The following RARS2 variants were observed in gnomAD, a reference collection of about 807,000 sequenced individuals.
RARS2 encodes the protein probable arginine--tRNA ligase, mitochondrial.
A neutral mutation model predicts 88.5 loss-of-function variants in RARS2; 67 were observed. The ratio of observed to expected loss-of-function variants is 0.76; its 90% CI spans 0.62 to 0.93. The LOEUF is 0.93. RARS2 is among the 40% of genes least tolerant of loss of function. The pLI, the probability that RARS2 is intolerant of heterozygous loss-of-function variation, is 0.00. For missense variants in RARS2, 664 were observed against 684.2 expected (o/e 0.97, Z 0.33); for synonymous variants, 239 against 230.3 (o/e 1.04, Z -0.34).
intron 1 of RARS2, among the ~76,000 whole-genome samples, chr6:87,580,181 G>A (rs1267769860): frequency 6.6e-6 from 1 of 151,974 alleles, no homozygotes; most frequent in Non-Finnish European, 1.5e-5. Flanking sequence ...TTAGCTTCAG[G>A]GTTTATTTTC....
chr6:87,521,260 C>T (rs1017938218), intron 12 of RARS2, among the ~76,000 whole-genome samples: 6 of 152,138 alleles, frequency 3.9e-5, no homozygotes, highest in African/African-American at 1.4e-4. Flanking sequence ...CTTACTGATT[C>T]AGGTAATTTT....
intron 7 of RARS2, among the ~76,000 whole-genome samples, chr6:87,542,579 A>C (rs927697656): frequency 1.3e-5 from 2 of 151,882 alleles, no homozygotes; most frequent in Non-Finnish European, 1.5e-5. Flanking sequence ...AAAATCTTTA[A>C]TTTGACTGTG....
chr6:87,585,373 G>C (rs1461994640), intron 1 of RARS2, among the ~76,000 whole-genome samples: 1 of 152,144 alleles, frequency 6.6e-6, no homozygotes, highest in Non-Finnish European at 1.5e-5. Context: ...TGTCATCATA[G>C]AAGCAAACAA....
chr6:87,516,954 G>A, intron 17 of RARS2, 74 bp from the exon 18 acceptor site: 1 of 1,593,214 alleles, frequency 6.3e-7, no homozygotes, highest in Non-Finnish European at 8.6e-7. Flanking sequence ...TTAAAAGATT[G>A]TGAATATAAG....
chr6:87,564,275 A>C, intron 2 of RARS2, 43 bp from the exon 3 acceptor site: 2 of 1,386,690 alleles, frequency 1.4e-6, no homozygotes, highest in Non-Finnish European at 2.0e-6. Context: ...TTACCTTAAA[A>C]GCATTAGTTG....
intron 1 of RARS2, among the ~76,000 whole-genome samples, chr6:87,578,119 G>A (rs993053358): frequency 1.6e-5 from 2 of 122,712 alleles, no homozygotes; most frequent in Non-Finnish European, 1.6e-5. Context: ...CCCCCCCCCC[G>A]CCATCTCTAT....
chr6:87,569,721 G>A (rs949748366), intron 1 of RARS2, 131 bp from the exon 2 acceptor site: 5 of 761,512 alleles, frequency 6.6e-6, no homozygotes, highest in South Asian at 1.5e-5. Flanking sequence ...CCAAGTGAAG[G>A]AAGCCAGATT....
chr6:87,570,677 C>T (rs1426601811), intron 1 of RARS2, among the ~76,000 whole-genome samples: 2 of 152,144 alleles, frequency 1.3e-5, no homozygotes, highest in Admixed American at 1.3e-4. Context: ...GCCTCAGACT[C>T]CCAAAATGTT....
chr6:87,515,534 A>G (rs951081822), intron 18 of RARS2, among the ~76,000 whole-genome samples: 9 of 151,764 alleles, frequency 5.9e-5, no homozygotes, highest in Non-Finnish European at 1.2e-4. Context: ...AAAAAAAAAG[A>G]TTATGATTTC....
At chr6:87,538,791 T>A (rs910144710) in intron 8 of RARS2, among the ~76,000 whole-genome samples, 1 of 151,912 alleles carries the variant, frequency 6.6e-6, no homozygotes, top group Admixed American at 6.6e-5. Context: ...CCCAGCACTT[T>A]GGGAGTTTGA....
rs375210095 is a variant in RARS2 at position 87,555,505 on chromosome 6, T to C, written c.298A>G (p.Thr100Ala). ...FKINRELLTKTVLQQVIEDGS... is the reference protein window; with the variant it reads ...FKINRELLTKAVLQQVIEDGS... ...TCTTCAATTACTTGTTGTAGCACTG[T>C]CTGAAAATTAAAGGACTGTAATTTA... Residue 100 changes from threonine (T) to alanine (A), a missense_variant and splice_region_variant, in exon 5 of 20, where the codon ACA becomes GCA. Transcript: ENST00000369536. 13 of 1,607,828 alleles carry C rather than the reference T, an allele frequency of 8.1e-6. No individual in the cohort carries two copies. The East Asian group carries it at 1.3e-4, about 17-fold the overall frequency.
intron 11 of RARS2, among the ~76,000 whole-genome samples, chr6:87,522,291 C>A (rs930956248): frequency 2.1e-5 from 3 of 141,928 alleles, no homozygotes; most frequent in Non-Finnish European, 4.5e-5. Flanking sequence ...GATCGCACCA[C>A]TGCACTCCAG....
chr6:87,524,512 CA>C, intron 11 of RARS2, 44 bp downstream of exon 11: 1 of 1,405,698 alleles, frequency 7.1e-7, no homozygotes, highest in Non-Finnish European at 1.0e-6. Context: ...CATCTGAAAG[CA>C]ACAGATTTAG....
chr6:87,561,437 C>G (rs767424566), intron 4 of RARS2, among the ~76,000 whole-genome samples: 1 of 152,080 alleles, frequency 6.6e-6, no homozygotes, highest in Non-Finnish European at 1.5e-5. Context: ...TTTAAAAATC[C>G]ACTTGTAACT....
intron 5 of RARS2, among the ~76,000 whole-genome samples, chr6:87,554,121 T>C (rs1785104124): frequency 6.6e-6 from 1 of 152,164 alleles, no homozygotes; most frequent in Non-Finnish European, 1.5e-5. Flanking sequence ...AAATACTTAA[T>C]AAGACAAAAG....
At chr6:87,563,358 G>A (rs974752657) in intron 3 of RARS2, among the ~76,000 whole-genome samples, 2 of 152,150 alleles carry the variant, frequency 1.3e-5, no homozygotes, top group Admixed American at 1.3e-4. Context: ...TGGGGAAAAG[G>A]AACTAAATAC....
chr6:87,542,608 G>A (rs1346999715), intron 7 of RARS2, among the ~76,000 whole-genome samples: 1 of 148,202 alleles, frequency 6.7e-6, no homozygotes, highest in Admixed American at 6.7e-5. Context: ...TTTAGTCTTT[G>A]ATGATAAATT....
At chr6:87,564,408 C>T in intron 2 of RARS2, 176 bp from the exon 3 acceptor site, 2 of 603,808 alleles carry the variant, frequency 3.3e-6, no homozygotes, top group Admixed American at 5.2e-5. Context: ...GCCTGTAATC[C>T]CAGCACTTTG....
At chr6:87,518,491 A>G (rs1207944287) in intron 16 of RARS2, 139 bp downstream of exon 16, 2 of 1,275,032 alleles carry the variant, frequency 1.6e-6, no homozygotes, top group African/African-American at 1.5e-5. Context: ...TTTTTTTCCT[A>G]AAAGAAGGTC....
Sources: allele counts gnomAD v4.1 joint callset (sites outside exome capture counted in the v4.1 genomes callset), GRCh38; gene constraint gnomAD v4.1.1; transcripts MANE v1.5; gene names NCBI Gene and HGNC (gene_info 2026-07-23, HGNC 2026-07-21).